The following ATP9B variants were observed in gnomAD, a reference collection of about 807,000 sequenced individuals.
ATP9B encodes ATPase phospholipid transporting 9B.
ATP9B carries 110 observed loss-of-function variants against 146.1 expected under a neutral mutation model. The observed-to-expected ratio is 0.75, with a 90% CI of 0.65 to 0.88. The LOEUF (loss-of-function observed/expected upper bound fraction) is 0.88. ATP9B is among the 40% of genes least tolerant of loss of function. The pLI is 0.00. For missense variants in ATP9B, 1,499 were observed against 1,496.4 expected, an observed-to-expected ratio of 1.00 and a Z score of -0.03; for synonymous variants, 604 against 569.7, an observed-to-expected ratio of 1.06 and a Z score of -0.86.
chr18:79,167,970 G>A (rs1186672335), intron 7 of ATP9B, among the ~76,000 whole-genome samples: 2 of 152,204 alleles, frequency 1.3e-5, no homozygotes, highest in East Asian at 1.9e-4. Flanking sequence ...CCCAAAGTCT[G>A]GAGAGGGCCA....
chr18:79,359,574 G>T lies in ATP9B; in HGVS notation c.3012+112G>T, dbSNP rs750508486. The T allele has an allele frequency of 1.8e-5, 14 of 792,146 alleles. No homozygotes were observed. The African/African-American group carries it at 2.2e-4, about 12-fold the overall frequency. The allele number at this position is 792,146 out of a possible 1,614,324, so 49.1% of individuals were successfully genotyped here. On this transcript the variant is annotated intron_variant, in intron 26 of 29. Transcript: ENST00000426216. ...CATTTCCAGGCATTTTGTGAAAAAC[G>T]ATTCTCTGTCCTTGAAGATGTTTTT...
intron 11 of ATP9B, 114 bp downstream of exon 11, chr18:79,214,152 A>G (rs1045714203): frequency 5.2e-6 from 3 of 575,980 alleles, no homozygotes; most frequent in Non-Finnish European, 8.3e-6. Flanking sequence ...CTTAAAGTAG[A>G]CTTTCAAAAA....
chr18:79,253,118 C>T (rs977317647), intron 11 of ATP9B, among the ~76,000 whole-genome samples: 1 of 152,194 alleles, frequency 6.6e-6, no homozygotes, highest in African/African-American at 2.4e-5. Flanking sequence ...GACCAGCGCG[C>T]CACCCTCCAG....
intron 13 of ATP9B, among the ~76,000 whole-genome samples, chr18:79,291,681 G>A (rs185571209): frequency 7.4e-4 from 113 of 152,266 alleles, no homozygotes; most frequent in Non-Finnish European, 2.6e-4. Context: ...TTTATCATTC[G>A]TTGATGAGAA....
At chr18:79,084,496 T>C (rs1213151646) in intron 1 of ATP9B, among the ~76,000 whole-genome samples, 3 of 151,722 alleles carry the variant, frequency 2.0e-5, no homozygotes, top group Non-Finnish European at 4.4e-5. Context: ...CACTTCCCAA[T>C]TTAAACTTTG....
At chr18:79,373,745 T>C (rs993436205) in intron 27 of ATP9B, among the ~76,000 whole-genome samples, 153 bp from the exon 28 acceptor site, 5 of 152,178 alleles carry the variant, frequency 3.3e-5, no homozygotes, top group African/African-American at 1.2e-4. Context: ...CGCCTCAGCC[T>C]CCCAAAGTGC....
At chr18:79,289,065 A>G (rs934905516) in intron 13 of ATP9B, among the ~76,000 whole-genome samples, 9 of 151,718 alleles carry the variant, frequency 5.9e-5, no homozygotes, top group Middle Eastern at 6.8e-3. Flanking sequence ...CTTCATTTCA[A>G]CTTTGGTGAA....
intron 6 of ATP9B, among the ~76,000 whole-genome samples, chr18:79,152,140 G>C (rs889688529): frequency 1.3e-5 from 2 of 152,218 alleles, no homozygotes; most frequent in Admixed American, 1.3e-4. Context: ...TCTCACGCCA[G>C]TTAGAATGGC....
At chr18:79,262,113 CCCCT>C (rs577494373) in intron 12 of ATP9B, among the ~76,000 whole-genome samples, 4 of 145,912 alleles carry the variant, frequency 2.7e-5, no homozygotes, top group Admixed American at 6.8e-5. Flanking sequence ...ACACCCCGCT[CCCCT>C]CCCTCCCTCC....
At chr18:79,157,416 A>C (rs1314963102) in intron 7 of ATP9B, among the ~76,000 whole-genome samples, 13 of 130,764 alleles carry the variant, frequency 9.9e-5, no homozygotes, top group East Asian at 2.9e-4. Flanking sequence ...AAAAAAAAAA[A>C]AAAAAAAACA....
intron 15 of ATP9B, among the ~76,000 whole-genome samples, chr18:79,315,728 C>G (rs1396039598): frequency 6.6e-6 from 1 of 152,196 alleles, no homozygotes; most frequent in African/African-American, 2.4e-5. Context: ...TTACTTCTGG[C>G]TGTGCTACTC....
At chr18:79,214,558 G>A (rs1190189193) in intron 11 of ATP9B, among the ~76,000 whole-genome samples, 2 of 152,130 alleles carry the variant, frequency 1.3e-5, no homozygotes, top group East Asian at 3.8e-4. Flanking sequence ...TGTTATTTAT[G>A]CATCCAACAT....
chr18:79,177,291 A>G (rs1323717727), intron 8 of ATP9B, among the ~76,000 whole-genome samples: 1 of 152,152 alleles, frequency 6.6e-6, no homozygotes, highest in Non-Finnish European at 1.5e-5. Context: ...ACTGAAATAC[A>G]GTAACATGAT....
At chr18:79,306,898 G>A (rs2096622876) in intron 14 of ATP9B, 88 bp from the exon 15 acceptor site, 10 of 1,455,026 alleles carry the variant, frequency 6.9e-6, no homozygotes, top group South Asian at 1.3e-5. Context: ...TACTTTGCTT[G>A]TAAAAATCAT....
At chr18:79,330,229 T>G in intron 17 of ATP9B, 125 bp downstream of exon 17, 3 of 834,882 alleles carry the variant, frequency 3.6e-6, no homozygotes, top group African/African-American at 1.7e-5. Context: ...AAGGATATCC[T>G]TTCCCCAGCT....
At chr18:79,248,570 T>A (rs955033926) in intron 11 of ATP9B, among the ~76,000 whole-genome samples, 1 of 152,212 alleles carries the variant, frequency 6.6e-6, no homozygotes, top group South Asian at 2.1e-4. Context: ...AGACAAGCAG[T>A]GTTAACAGTT....
intron 12 of ATP9B, among the ~76,000 whole-genome samples, chr18:79,255,752 AGGCACATAGAGGGGC>A (rs2096071353): frequency 6.6e-6 from 1 of 152,188 alleles, no homozygotes; most frequent in African/African-American, 2.4e-5. Context: ...GCTCCACGTA[AGGCACATAGAGGGGC>A]ACATATGCAT....
chr18:79,205,954 T>A (rs902504499), intron 9 of ATP9B, among the ~76,000 whole-genome samples: 2 of 151,774 alleles, frequency 1.3e-5, no homozygotes, highest in African/African-American at 2.4e-5. Context: ...TTTTTTTTTT[T>A]CTTTGAGACA....
intron 15 of ATP9B, among the ~76,000 whole-genome samples, chr18:79,317,367 G>A (rs964538691): frequency 1.3e-5 from 2 of 152,156 alleles, no homozygotes; most frequent in African/African-American, 4.8e-5. Flanking sequence ...AGATAAGCCA[G>A]AGACTTGTAG....
Sources: allele counts gnomAD v4.1 joint callset (sites outside exome capture counted in the v4.1 genomes callset), GRCh38; gene constraint gnomAD v4.1.1; transcripts MANE v1.5; gene names NCBI Gene and HGNC (gene_info 2026-07-23, HGNC 2026-07-21).